GSK3B: variants seen among roughly 807,000 people sequenced by gnomAD.
GSK3B encodes the protein glycogen synthase kinase 3 beta, also known as glycogen synthase kinase-3 beta.
GSK3B carries 15 observed loss-of-function variants against 56.4 expected under a neutral mutation model. The ratio of observed to expected loss-of-function variants is 0.27; its 90% CI spans 0.18 to 0.41. The LOEUF is 0.41. Ranked by LOEUF, GSK3B falls within the 10% of genes least tolerant of loss-of-function variation. The probability of loss-of-function intolerance (pLI) is 1.00; values close to 1 mark genes in which losing one functional copy is unlikely to be tolerated. For missense variants in GSK3B, 300 were observed against 513.4 expected, an observed-to-expected ratio of 0.58 and a Z score of 4.02; for synonymous variants, 181 against 188.9, an observed-to-expected ratio of 0.96 and a Z score of 0.34.
chr3:119,942,567 C>T (rs907798256), intron 3 of GSK3B, among the ~76,000 whole-genome samples: 5 of 152,180 alleles, frequency 3.3e-5, no homozygotes, highest in African/African-American at 9.7e-5. Flanking sequence ...CAGGCGTGAG[C>T]CACCACACCC....
intron 7 of GSK3B, among the ~76,000 whole-genome samples, chr3:119,903,236 A>G (rs1196902899): frequency 6.6e-6 from 1 of 152,194 alleles, no homozygotes; most frequent in Non-Finnish European, 1.5e-5. Context: ...CACGGTCAAG[A>G]ACATAGAAGG....
At chr3:120,045,783 T>C (rs1246046765) in intron 1 of GSK3B, among the ~76,000 whole-genome samples, 1 of 152,148 alleles carries the variant, frequency 6.6e-6, no homozygotes, top group Non-Finnish European at 1.5e-5. Context: ...TGAACACAAA[T>C]GTTTACAGTA....
chr3:119,963,065 T>C (rs565084494), intron 2 of GSK3B, among the ~76,000 whole-genome samples: 2 of 150,994 alleles, frequency 1.3e-5, no homozygotes, highest in South Asian at 2.1e-4. Context: ...CAACAAACTA[T>C]CCAAAAAAAA....
chr3:119,929,357 T>C (rs919406723), intron 3 of GSK3B, among the ~76,000 whole-genome samples: 1 of 152,226 alleles, frequency 6.6e-6, no homozygotes, highest in Non-Finnish European at 1.5e-5. Context: ...AGTTTCTTGA[T>C]TTTAATGATC....
At chr3:119,987,875 C>T (rs2057531048) in intron 2 of GSK3B, among the ~76,000 whole-genome samples, 1 of 151,974 alleles carries the variant, frequency 6.6e-6, no homozygotes, top group South Asian at 2.1e-4. Context: ...CATATGTGTT[C>T]CAAAGTTATG....
intron 1 of GSK3B, among the ~76,000 whole-genome samples, chr3:120,022,071 T>C (rs2057883278): frequency 6.6e-6 from 1 of 152,178 alleles, no homozygotes; most frequent in South Asian, 2.1e-4. Flanking sequence ...TCAAACAGCA[T>C]CTCATGCAAC....
intron 1 of GSK3B, among the ~76,000 whole-genome samples, chr3:120,092,020 C>G (rs925131179): frequency 6.6e-6 from 1 of 152,070 alleles, no homozygotes; most frequent in African/African-American, 2.4e-5. Flanking sequence ...CTTAAAATCT[C>G]AGTTCTTTAG....
chr3:119,999,057 A>G (rs190837136), intron 2 of GSK3B, among the ~76,000 whole-genome samples: 2 of 152,352 alleles, frequency 1.3e-5, no homozygotes, highest in Admixed American at 1.3e-4. Flanking sequence ...CATATATACA[A>G]TGTTTGGCAG....
intron 1 of GSK3B, among the ~76,000 whole-genome samples, chr3:120,013,016 C>T (rs555838883): frequency 2.5e-4 from 38 of 152,090 alleles, no homozygotes; most frequent in African/African-American, 7.2e-4. Context: ...AAAGCCTTGG[C>T]GGTTTAGGCA....
chr3:119,896,668 A>G (rs1387075922), intron 7 of GSK3B, among the ~76,000 whole-genome samples: 1 of 152,188 alleles, frequency 6.6e-6, no homozygotes, highest in African/African-American at 2.4e-5. Flanking sequence ...CTACTAGCCA[A>G]CTATTAAGAA....
Position 119,822,445 on chromosome 3 carries a change from C to A in GSK3B, c.*4343G>T, listed in dbSNP as rs985660838. The A allele has an allele frequency of 4.5e-6, 1 of 219,816 alleles. No homozygotes were observed. Among genetic ancestry groups the A allele is most frequent in the Admixed American group, 5.8e-5 (1 of 17,274 alleles). The allele number at this position is 219,816 out of a possible 1,614,324, so 13.6% of individuals were successfully genotyped here. A position where few individuals can be genotyped will look rare whatever the true frequency, so the allele number is the denominator to read the frequency against. ...ACAGATATAGTTAAGGAAAAAAAAA[C>A]TTAAAAATTAACACAAGGAAGTCTA... On this transcript the variant is annotated 3_prime_UTR_variant, in exon 11 of 11. Coordinates refer to ENST00000264235, the MANE Select transcript of GSK3B (RefSeq NM_001146156.2).
At chr3:119,931,956 C>T (rs1189939107) in intron 3 of GSK3B, among the ~76,000 whole-genome samples, 6 of 152,060 alleles carry the variant, frequency 3.9e-5, no homozygotes, top group African/African-American at 1.2e-4. Flanking sequence ...CTATGAACTC[C>T]ACATTAAAAC....
intron 3 of GSK3B, among the ~76,000 whole-genome samples, chr3:119,935,396 T>C (rs970223118): frequency 1.3e-5 from 2 of 152,150 alleles, no homozygotes; most frequent in Non-Finnish European, 2.9e-5. Flanking sequence ...TTCTGTAATT[T>C]GGGGTTTTCA....
intron 2 of GSK3B, among the ~76,000 whole-genome samples, chr3:119,999,980 G>A (rs1416545488): frequency 6.6e-6 from 1 of 152,216 alleles, no homozygotes; most frequent in Non-Finnish European, 1.5e-5. Flanking sequence ...CATGACCAAT[G>A]AGAACTCTGG....
intron 2 of GSK3B, among the ~76,000 whole-genome samples, chr3:119,988,073 T>C (rs530306293): frequency 6.6e-6 from 1 of 152,328 alleles, no homozygotes; most frequent in South Asian, 2.1e-4. Context: ...TAATCAGCTA[T>C]AAAGCTCTAA....
At chr3:119,914,231 A>G (rs986352659) in intron 5 of GSK3B, among the ~76,000 whole-genome samples, 15 of 152,094 alleles carry the variant, frequency 9.9e-5, no homozygotes, top group African/African-American at 3.1e-4. Context: ...AGAAAGTAAT[A>G]GTATTTTGTT....
intron 6 of GSK3B, among the ~76,000 whole-genome samples, chr3:119,907,059 A>G (rs2056689521): frequency 6.6e-6 from 1 of 152,130 alleles, no homozygotes; most frequent in South Asian, 2.1e-4. Context: ...AGCACATATG[A>G]AAACTTGTTA....
At chr3:119,833,802 T>TC (rs1301101750) in intron 10 of GSK3B, among the ~76,000 whole-genome samples, 1 of 151,352 alleles carries the variant, frequency 6.6e-6, no homozygotes, top group African/African-American at 2.4e-5. Context: ...TTCAAGGGAT[T>TC]CTCCTGGCTT....
intron 3 of GSK3B, among the ~76,000 whole-genome samples, chr3:119,930,169 T>C (rs927927613): frequency 6.6e-6 from 1 of 151,834 alleles, no homozygotes; most frequent in Non-Finnish European, 1.5e-5. Flanking sequence ...ATATTTAAAT[T>C]ATATGTAAGA....
Sources: allele counts gnomAD v4.1 joint callset (sites outside exome capture counted in the v4.1 genomes callset), GRCh38; gene constraint gnomAD v4.1.1; transcripts MANE v1.5; gene names NCBI Gene and HGNC (gene_info 2026-07-23, HGNC 2026-07-21).